Variants in FLI1 observed in about 807,000 individuals in gnomAD.
FLI1 encodes the protein Friend leukemia integration 1 transcription factor.
FLI1 carries 13 observed loss-of-function variants against 53.1 expected under a neutral mutation model. That is an observed-to-expected ratio of 0.24 (90% CI 0.16 to 0.39). The LOEUF (loss-of-function observed/expected upper bound fraction) is 0.39. Among genes scored for constraint, FLI1 ranks in the 10% least tolerant of loss-of-function variants. The pLI is 1.00. For missense variants in FLI1, 424 were observed against 600.5 expected, an observed-to-expected ratio of 0.71 and a Z score of 3.07; for synonymous variants, 244 against 236.7, an observed-to-expected ratio of 1.03 and a Z score of -0.28.
chr11:128,771,760 C>T (rs1393248692), intron 3 of FLI1, among the ~76,000 whole-genome samples: 2 of 152,172 alleles, frequency 1.3e-5, no homozygotes, highest in East Asian at 3.8e-4. Context: ...TTCCCTTCCA[C>T]TTATGAGTCC....
chr11:128,768,825 A>G (rs1941449853), intron 3 of FLI1, among the ~76,000 whole-genome samples: 1 of 152,116 alleles, frequency 6.6e-6, no homozygotes, highest in Non-Finnish European at 1.5e-5. Context: ...CAGACTCTAC[A>G]TCAATGGCCT....
intron 1 of FLI1, among the ~76,000 whole-genome samples, chr11:128,715,519 C>A (rs575107560): frequency 6.6e-6 from 1 of 152,144 alleles, no homozygotes; most frequent in African/African-American, 2.4e-5. Flanking sequence ...CTACCAGGAC[C>A]GAGGCTATAT....
At chr11:128,774,459 T>G (rs550737049) in intron 4 of FLI1, among the ~76,000 whole-genome samples, 1 of 152,308 alleles carries the variant, frequency 6.6e-6, no homozygotes, top group African/African-American at 2.4e-5. Context: ...TTTAACTGTT[T>G]GTGGAATTTT....
chr11:128,727,619 C>T (rs993787146), intron 1 of FLI1, among the ~76,000 whole-genome samples: 1 of 152,262 alleles, frequency 6.6e-6, no homozygotes, highest in Non-Finnish European at 1.5e-5. Context: ...TAAGTCCCAT[C>T]TGATTGAGAA....
At chr11:128,718,642 T>G (rs1423726138) in intron 1 of FLI1, among the ~76,000 whole-genome samples, 3 of 152,240 alleles carry the variant, frequency 2.0e-5, no homozygotes, top group African/African-American at 7.2e-5. Context: ...TTTAGAGTTT[T>G]GTTTGTTTTG....
chr11:128,755,405 G>C (rs530385415), intron 1 of FLI1, among the ~76,000 whole-genome samples: 67 of 152,320 alleles, frequency 4.4e-4, no homozygotes, highest in African/African-American at 1.5e-3. Flanking sequence ...TTTGTAGCAG[G>C]ACTGTGGTAC....
At chr11:128,766,707 GGTAC>G (rs1941353185) in intron 2 of FLI1, among the ~76,000 whole-genome samples, 1 of 151,838 alleles carries the variant, frequency 6.6e-6, no homozygotes, top group South Asian at 2.1e-4. Context: ...GTCCCTATCT[GGTAC>G]GGCCCTGCTC....
chr11:128,710,500 A>G (rs539093426), intron 1 of FLI1, among the ~76,000 whole-genome samples: 3 of 152,252 alleles, frequency 2.0e-5, no homozygotes, highest in South Asian at 4.2e-4. Flanking sequence ...CTTTTTCTCC[A>G]TGACAACAAA....
At chr11:128,759,961 C>G (rs1408445919) in intron 2 of FLI1, among the ~76,000 whole-genome samples, 1 of 152,128 alleles carries the variant, frequency 6.6e-6, no homozygotes, top group Non-Finnish European at 1.5e-5. Flanking sequence ...GGCCTCAGAC[C>G]TGCCTGTGGG....
chr11:128,798,594 G>T (rs1171639906), intron 5 of FLI1, among the ~76,000 whole-genome samples: 1 of 152,158 alleles, frequency 6.6e-6, no homozygotes, highest in Non-Finnish European at 1.5e-5. Context: ...CAGAGGGGCT[G>T]TTGGATTCCA....
intron 5 of FLI1, among the ~76,000 whole-genome samples, chr11:128,784,349 A>G (rs670163): frequency 0.63 from 94,874 of 151,272 alleles, 30,514 homozygotes; most frequent in African/African-American, 0.77. Flanking sequence ...TAGGGAGGAC[A>G]TTTGTAACAC....
chr11:128,726,071 C>T (rs2135744408), intron 1 of FLI1, among the ~76,000 whole-genome samples: 1 of 152,306 alleles, frequency 6.6e-6, no homozygotes, highest in Non-Finnish European at 1.5e-5. Context: ...GCAAATCAGA[C>T]CAGCTGCTAC....
At chr11:128,730,091 GA>G (rs1939632735) in intron 1 of FLI1, among the ~76,000 whole-genome samples, 1 of 152,180 alleles carries the variant, frequency 6.6e-6, no homozygotes, top group Admixed American at 6.5e-5. Context: ...CAGAAAAGTC[GA>G]AAATCTTGAA....
At chr11:128,686,130 G>T, upstream of FLI1, 1 of 339,604 alleles carries the variant, frequency 2.9e-6, no homozygotes, top group Non-Finnish European at 5.9e-6. Flanking sequence ...GCAGAGAAAG[G>T]GTGGTGAGGA....
chr11:128,704,540 G>A (rs1286821756), intron 1 of FLI1, among the ~76,000 whole-genome samples: 1 of 152,156 alleles, frequency 6.6e-6, no homozygotes, highest in Admixed American at 6.5e-5. Flanking sequence ...CTGTTTAATT[G>A]AAAGGAAATT....
chr11:128,705,271 C>A (rs1382141913), intron 1 of FLI1, among the ~76,000 whole-genome samples: 1 of 152,212 alleles, frequency 6.6e-6, no homozygotes, highest in Non-Finnish European at 1.5e-5. Flanking sequence ...TCAAGAAGGC[C>A]TATTTCCCAG....
At chr11:128,703,986 T>C (rs1231267337) in intron 1 of FLI1, among the ~76,000 whole-genome samples, 2 of 151,780 alleles carry the variant, frequency 1.3e-5, no homozygotes, top group Admixed American at 6.6e-5. Flanking sequence ...CAGGGAGAAA[T>C]TGGCTGGCCT....
chr11:128,730,513 T>C (rs1413959970), intron 1 of FLI1, among the ~76,000 whole-genome samples: 2 of 152,176 alleles, frequency 1.3e-5, no homozygotes, highest in Admixed American at 6.5e-5. Flanking sequence ...TCCCAGAAAG[T>C]CACTTCCAAA....
At chr11:128,747,690 G>A (rs1206473246) in intron 1 of FLI1, among the ~76,000 whole-genome samples, 1 of 152,202 alleles carries the variant, frequency 6.6e-6, no homozygotes, top group African/African-American at 2.4e-5. Context: ...TCTCTGAGAG[G>A]AGCTTCGTCC....
Sources: allele counts gnomAD v4.1 joint callset (sites outside exome capture counted in the v4.1 genomes callset), GRCh38; gene constraint gnomAD v4.1.1; transcripts MANE v1.5; gene names NCBI Gene and HGNC (gene_info 2026-07-23, HGNC 2026-07-21).